ZDHHC2: variants seen among roughly 807,000 people sequenced by gnomAD.
The protein encoded by ZDHHC2 is palmitoyltransferase ZDHHC2.
Under a neutral mutation model 55.6 loss-of-function variants are expected in ZDHHC2, and 51 were observed. That is an observed-to-expected ratio of 0.92 (90% CI 0.73 to 1.16). The LOEUF (loss-of-function observed/expected upper bound fraction) is 1.16. ZDHHC2 is among the 50% of genes most tolerant of loss of function. The pLI is 0.00. For missense variants in ZDHHC2, 491 were observed against 442.4 expected (o/e 1.11, Z -0.99); for synonymous variants, 199 against 152.9 (o/e 1.30, Z -2.22).
At chr8:17,190,829 A>G (rs892786271) in intron 3 of ZDHHC2, among the ~76,000 whole-genome samples, 4 of 152,076 alleles carry the variant, frequency 2.6e-5, no homozygotes, top group Admixed American at 2.0e-4. Context: ...AGTTACCACA[A>G]GCATTTGTAT....
chr8:17,162,175 A>G (rs2150876389), intron 1 of ZDHHC2, among the ~76,000 whole-genome samples: 1 of 152,312 alleles, frequency 6.6e-6, no homozygotes, highest in South Asian at 2.1e-4. Flanking sequence ...CTTTTGATGT[A>G]CTGGACAATG....
In ZDHHC2 at chr8:17,159,775, A is replaced by G. The variant is rs75687499; in HGVS notation, c.130+2922A>G. ...AGAAAAGATCACAAAAGACAGTTATACTTCTAATCATTTGGACCACGTTTA... is the reference window on the plus strand; with the variant it reads ...AGAAAAGATCACAAAAGACAGTTATGCTTCTAATCATTTGGACCACGTTTA... On this transcript the variant is annotated intron_variant, in intron 1 of 12. Coordinates refer to ENST00000262096, the MANE Select transcript of ZDHHC2 (RefSeq NM_016353.5). Among the ~76,000 whole-genome samples the G allele has an allele frequency of 8.7e-3, 1,332 of 152,284 alleles. 17 individuals carry two copies. The highest frequency in any genetic ancestry group is 0.031 in the African/African-American group (1,284 of 41,548).
intron 12 of ZDHHC2, among the ~76,000 whole-genome samples, chr8:17,219,533 G>C (rs572845622): frequency 6.6e-6 from 1 of 152,176 alleles, no homozygotes; most frequent in Admixed American, 6.5e-5. Flanking sequence ...AAGGCAAGCA[G>C]ATTGCTTGAG....
chr8:17,203,784 G>T (rs146709938), intron 6 of ZDHHC2, among the ~76,000 whole-genome samples: 2 of 150,380 alleles, frequency 1.3e-5, no homozygotes, highest in East Asian at 3.9e-4. Flanking sequence ...CAATGTGCAC[G>T]CACAATTTGT....
At chr8:17,195,357 T>C in intron 3 of ZDHHC2, 147 bp from the exon 4 acceptor site, 1 of 873,494 alleles carries the variant, frequency 1.1e-6, no homozygotes, top group Non-Finnish European at 1.7e-6. Flanking sequence ...GTGAACAGAC[T>C]TGCCCACGTT....
rs184556505 is a variant in ZDHHC2 at position 17,212,075 on chromosome 8, A to G, written c.950+1595A>G. 5.3e-5 allele frequency among the ~76,000 whole-genome samples: 8 copies of G among 152,216 alleles called. No homozygotes were observed. In the East Asian group the frequency reaches 1.2e-3, roughly 22 times the overall value. Reference sequence around the variant, plus strand: ...ATCTTAGTTCTGACACTGTTACCCAACTGGGTGATCTTGAAGAAGTTAAAT... The same window carrying G: ...ATCTTAGTTCTGACACTGTTACCCAGCTGGGTGATCTTGAAGAAGTTAAAT... On this transcript the variant is annotated intron_variant, in intron 10 of 12. Coordinates refer to ENST00000262096, the MANE Select transcript of ZDHHC2 (RefSeq NM_016353.5).
rs1491365126 is a variant in ZDHHC2, at chr8:17,199,467, T to TTCTTCTTCTTCG, written c.476+1065_476+1066insGTCTTCTTCTTC. On this transcript the variant is annotated intron_variant, in intron 6 of 12. Transcript: ENST00000262096. ...TCTCCCCCAGTGTCTTTAATAAGAC[T>TTCTTCTTCTTCG]TCTTCTTCTTCTTCTTCTTCTTCTT... 4.7e-3 allele frequency among the ~76,000 whole-genome samples: 118 copies of TTCTTCTTCTTCG among 25,142 alleles called. 1 individual carries two copies. The highest frequency in any genetic ancestry group is 0.022 in the African/African-American group (111 of 4,966). The allele number at this position is 25,142 out of a possible 152,430, so 16.5% of individuals were successfully genotyped here.
intron 6 of ZDHHC2, among the ~76,000 whole-genome samples, chr8:17,202,546 G>C (rs889521688): frequency 2.0e-5 from 3 of 152,082 alleles, no homozygotes; most frequent in African/African-American, 7.2e-5. Flanking sequence ...AACGTGTTTT[G>C]TTTCTCCATA....
chr8:17,180,158 C>G (rs1805355004), intron 1 of ZDHHC2, among the ~76,000 whole-genome samples: 1 of 152,086 alleles, frequency 6.6e-6, no homozygotes, highest in South Asian at 2.1e-4. Context: ...AGATTTAGGT[C>G]TTTATTTTTT....
intron 6 of ZDHHC2, among the ~76,000 whole-genome samples, chr8:17,203,613 A>AAT: frequency 6.6e-6 from 1 of 152,232 alleles, no homozygotes; most frequent in East Asian, 1.9e-4. Flanking sequence ...AAGCAAAGGG[A>AAT]ATACCCTGTA....
intron 3 of ZDHHC2, 81 bp downstream of exon 3, chr8:17,186,506 T>A: frequency 1.2e-6 from 1 of 837,074 alleles, no homozygotes; most frequent in Non-Finnish European, 1.7e-6. Flanking sequence ...AATTTTATTT[T>A]AATGTTGCAA....
chr8:17,210,542 T>C (rs922868626), intron 10 of ZDHHC2, 62 bp downstream of exon 10: 12 of 1,379,230 alleles, frequency 8.7e-6, no homozygotes, highest in Non-Finnish European at 1.2e-5. Flanking sequence ...TTGTGTCTTT[T>C]GGTTATATGT....
chr8:17,156,867 CCGCCG>C lies in ZDHHC2; in HGVS notation c.130+17_130+21del. On this transcript the variant is annotated intron_variant, in intron 1 of 12. Transcript: ENST00000262096. ...AGCTGTGCATAGGTGAGTGCGCCCC[CCGCCG>C]CGGCGCCCCCAGCGCAGCGCAGCCC... is the stretch of plus-strand genomic sequence containing the variant. 6.7e-7 allele frequency: 1 copy of C among 1,488,796 alleles called. No homozygotes were observed. Among genetic ancestry groups the C allele is most frequent in the Non-Finnish European group, 8.9e-7 (1 of 1,118,520 alleles). The allele number at this position is 1,488,796 out of a possible 1,614,324, so 92.2% of individuals were successfully genotyped here.
chr8:17,217,634 T>C (rs1807711655), intron 12 of ZDHHC2, among the ~76,000 whole-genome samples: 1 of 152,162 alleles, frequency 6.6e-6, no homozygotes, highest in African/African-American at 2.4e-5. Flanking sequence ...TCCTTGACCA[T>C]CCATTAGGAA....
At chr8:17,199,503 T>TCTTCA (rs1554465991) in intron 6 of ZDHHC2, among the ~76,000 whole-genome samples, 1 of 63,158 alleles carries the variant, frequency 1.6e-5, no homozygotes, top group Non-Finnish European at 4.3e-5. Flanking sequence ...CTTCTTCTTC[T>TCTTCA]TCTTCTTCTT....
At chr8:17,182,648 CAAT>C (rs146871176) in intron 1 of ZDHHC2, among the ~76,000 whole-genome samples, 1 of 151,372 alleles carries the variant, frequency 6.6e-6, no homozygotes, top group Non-Finnish European at 1.5e-5. Flanking sequence ...CTGTGAATGG[CAAT>C]AATAATAATA....
At chr8:17,205,009 G>A (rs191705946) in intron 6 of ZDHHC2, among the ~76,000 whole-genome samples, 20 of 152,200 alleles carry the variant, frequency 1.3e-4, no homozygotes, top group Admixed American at 5.2e-4. Flanking sequence ...ATTTAGAGCC[G>A]ACTTTTGGAA....
At chr8:17,199,117 C>G (rs1200242642) in intron 6 of ZDHHC2, among the ~76,000 whole-genome samples, 3 of 152,064 alleles carry the variant, frequency 2.0e-5, no homozygotes, top group Non-Finnish European at 4.4e-5. Context: ...AGGGATGGCT[C>G]TACAGAAAGG....
intron 1 of ZDHHC2, among the ~76,000 whole-genome samples, 173 bp from the exon 2 acceptor site, chr8:17,184,616 G>T (rs1805614680): frequency 3.5e-4 from 1 of 2,838 alleles, no homozygotes; most frequent in Admixed American, 6.5e-3. Context: ...GCCGTTTCCT[G>T]CACCCTCTCC....
Sources: allele counts gnomAD v4.1 joint callset (sites outside exome capture counted in the v4.1 genomes callset), GRCh38; gene constraint gnomAD v4.1.1; transcripts MANE v1.5; gene names NCBI Gene and HGNC (gene_info 2026-07-23, HGNC 2026-07-21).